BLTP3A: variants seen among roughly 807,000 people sequenced by gnomAD.
BLTP3A encodes ICBP90 binding protein 1.
chr6:34,856,074 A>G, the BLTP3A span, among the ~76,000 whole-genome samples: 2 of 152,242 alleles, frequency 1.3e-5, no homozygotes, highest in Admixed American at 1.3e-4. Context: ...TATGGAACCC[A>G]GAAGAATGTG....
At chr6:34,839,711 C>T in the BLTP3A span, among the ~76,000 whole-genome samples, 1,291 of 152,350 alleles carry the variant, frequency 8.5e-3, 19 homozygotes, top group African/African-American at 0.027. Context: ...TCATCAACAG[C>T]TCTCTCGCAC....
the BLTP3A span, chr6:34,855,757 C>T: frequency 1.2e-6 from 2 of 1,609,014 alleles, no homozygotes; most frequent in Non-Finnish European, 1.7e-6. Flanking sequence ...ATATTGAGGG[C>T]AGATTCCTGG....
the BLTP3A span, chr6:34,867,291 G>C: frequency 6.2e-7 from 1 of 1,614,106 alleles, no homozygotes; most frequent in Non-Finnish European, 8.5e-7. Context: ...GGTGTTCAAG[G>C]GAGCCCTCTT....
At chr6:34,818,183 A>C in the BLTP3A span, among the ~76,000 whole-genome samples, 43 of 152,274 alleles carry the variant, frequency 2.8e-4, no homozygotes, top group African/African-American at 8.4e-4. Flanking sequence ...AGAGAGACCC[A>C]TGAGGCCGGG....
chr6:34,794,826 C>A, the BLTP3A span, among the ~76,000 whole-genome samples: 5 of 151,692 alleles, frequency 3.3e-5, no homozygotes, highest in African/African-American at 1.2e-4. Flanking sequence ...CACTCTGTCA[C>A]CAGGCTGGAG....
At chr6:34,825,161 G>T in the BLTP3A span, among the ~76,000 whole-genome samples, 2 of 152,058 alleles carry the variant, frequency 1.3e-5, no homozygotes, top group Non-Finnish European at 2.9e-5. Flanking sequence ...CTGGCTGATT[G>T]TATCATCAAG....
the BLTP3A span, among the ~76,000 whole-genome samples, chr6:34,829,755 C>T: frequency 6.6e-6 from 1 of 152,046 alleles, no homozygotes; most frequent in African/African-American, 2.4e-5. Flanking sequence ...ACACCTCAGC[C>T]TTTGGAGTAG....
chr6:34,820,890 G>A, the BLTP3A span, among the ~76,000 whole-genome samples: 1 of 141,982 alleles, frequency 7.0e-6, no homozygotes, highest in African/African-American at 2.8e-5. Context: ...AGGCTCCAGC[G>A]ATCCTCCTGC....
chr6:34,840,063 T>C, the BLTP3A span, among the ~76,000 whole-genome samples: 33 of 152,234 alleles, frequency 2.2e-4, no homozygotes, highest in African/African-American at 8.0e-4. Flanking sequence ...ATGGCTGTGA[T>C]AACAGGTGGA....
chr6:34,834,822 T>A, the BLTP3A span: 1 of 1,614,202 alleles, frequency 6.2e-7, no homozygotes, highest in Non-Finnish European at 8.5e-7. Flanking sequence ...TGAGGCTTAT[T>A]ACGAACCAAG....
At chr6:34,804,245 C>T in the BLTP3A span, among the ~76,000 whole-genome samples, 9 of 152,148 alleles carry the variant, frequency 5.9e-5, no homozygotes, top group Non-Finnish European at 1.3e-4. Flanking sequence ...TTCAGGTAGT[C>T]TATCCTTTTT....
At chr6:34,796,982 C>T in the BLTP3A span, among the ~76,000 whole-genome samples, 10 of 152,264 alleles carry the variant, frequency 6.6e-5, no homozygotes, top group South Asian at 2.1e-4. Context: ...GGATTACAGG[C>T]GTGAGCCACT....
chr6:34,854,274 AAT>A, the BLTP3A span, among the ~76,000 whole-genome samples: 1 of 152,154 alleles, frequency 6.6e-6, no homozygotes, highest in East Asian at 1.9e-4. Flanking sequence ...GTGGAAAAAA[AAT>A]TGGAATATTT....
At chr6:34,820,814 A>AATTT in the BLTP3A span, among the ~76,000 whole-genome samples, 1 of 102,800 alleles carries the variant, frequency 9.7e-6, no homozygotes, top group African/African-American at 4.8e-5. Flanking sequence ...ACCATGCCTA[A>AATTT]TTTTTTTTTT....
chr6:34,832,400 C>T, the BLTP3A span, among the ~76,000 whole-genome samples: 2 of 151,930 alleles, frequency 1.3e-5, no homozygotes, highest in African/African-American at 4.8e-5. Flanking sequence ...GGATTATAGG[C>T]GTGAGCCACT....
chr6:34,831,607 A>G, the BLTP3A span, among the ~76,000 whole-genome samples: 1 of 152,180 alleles, frequency 6.6e-6, no homozygotes. Flanking sequence ...TTTGGCTTTT[A>G]ACATTTGAAT....
At chr6:34,872,400 C>A in the BLTP3A span, 2 of 1,612,924 alleles carry the variant, frequency 1.2e-6, no homozygotes, top group African/African-American at 2.7e-5. Context: ...AAAACTTCTT[C>A]AGGAGATTAG....
the BLTP3A span, among the ~76,000 whole-genome samples, chr6:34,808,306 G>A: frequency 2.1e-4 from 25 of 119,490 alleles, no homozygotes; most frequent in Admixed American, 2.2e-4. Flanking sequence ...AGATCGCTCC[G>A]TTGCACTCCA....
chr6:34,806,637 C>G, the BLTP3A span, among the ~76,000 whole-genome samples: 66,628 of 151,998 alleles, frequency 0.44, 16,401 homozygotes, highest in African/African-American at 0.67. Flanking sequence ...CTAAATAGCT[C>G]TTTGAGGCAG....
Sources: gnomAD v4.1 joint callset for allele counts (sites outside exome capture counted in the v4.1 genomes callset) on GRCh38, gnomAD v4.1.1 for gene constraint, MANE v1.5 for transcripts, NCBI Gene and HGNC (gene_info 2026-07-23, HGNC 2026-07-21) for gene names.